SGK1: variants seen among roughly 807,000 people sequenced by gnomAD.
SGK1 encodes the protein serum/glucocorticoid regulated kinase 1, also known as serine/threonine-protein kinase Sgk1.
SGK1 carries 26 observed loss-of-function variants against 64.2 expected under a neutral mutation model. The ratio of observed to expected loss-of-function variants is 0.40; its 90% CI spans 0.30 to 0.56. The LOEUF is 0.56. SGK1 is among the 20% of genes least tolerant of loss of function. SGK1 has a pLI of 0.38. For synonymous variants in SGK1, 265 were observed against 239.7 expected (o/e 1.11, Z -0.98); for missense variants, 519 against 645.6 (o/e 0.80, Z 2.12).
At chr6:134,209,954 G>A (rs2114688830) in intron 2 of SGK1, among the ~76,000 whole-genome samples, 1 of 152,336 alleles carries the variant, frequency 6.6e-6, no homozygotes, top group South Asian at 2.1e-4. Flanking sequence ...TGGGATTACA[G>A]GCATGAGCCA....
At chr6:134,298,635 C>A in intron 1 of SGK1, 1 of 1,320,644 alleles carries the variant, frequency 7.6e-7, no homozygotes. Flanking sequence ...GGAGCGGCTG[C>A]TGAAGGCCCG....
chr6:134,284,097 A>C (rs1777142401), intron 1 of SGK1, among the ~76,000 whole-genome samples: 1 of 151,320 alleles, frequency 6.6e-6, no homozygotes, highest in Non-Finnish European at 1.5e-5. Flanking sequence ...CTTTTTGTTT[A>C]TTTGTTTGTT....
rs867697366 is a variant in SGK1, at chr6:134,211,822, C to A, written c.286-4391G>T. ...CCGGGAGACTGAGGTTGCAGTGAGC[C>A]GAGATGGCTCCACTGCACTCCAGCC... On this transcript the variant is annotated intron_variant, in intron 2 of 13. Transcript: ENST00000367858. Among the ~76,000 whole-genome samples the A allele has an allele frequency of 4.1e-5, 6 of 145,042 alleles. No individual in the cohort carries two copies. The Admixed American group carries it at 4.3e-4, about 10-fold the overall frequency.
intron 1 of SGK1, among the ~76,000 whole-genome samples, chr6:134,266,088 A>G (rs1449360040): frequency 6.6e-6 from 1 of 151,690 alleles, no homozygotes; most frequent in African/African-American, 2.4e-5. Context: ...GGTTCAAGTG[A>G]TTCTCCTCCC....
intron 1 of SGK1, among the ~76,000 whole-genome samples, chr6:134,292,622 T>C (rs2114781901): frequency 6.6e-6 from 1 of 151,932 alleles, no homozygotes; most frequent in East Asian, 1.9e-4. Flanking sequence ...CAGGAATAGG[T>C]TATATGTTCT....
intron 2 of SGK1, among the ~76,000 whole-genome samples, chr6:134,219,259 G>A (rs1223285655): frequency 6.6e-6 from 1 of 151,756 alleles, no homozygotes; most frequent in African/African-American, 2.4e-5. Flanking sequence ...TGATCCACCC[G>A]CCTTGGCCTC....
chr6:134,249,682 T>G (rs777227856), intron 2 of SGK1: 1 of 152,170 alleles, frequency 6.6e-6, no homozygotes, highest in Non-Finnish European at 1.5e-5. Context: ...TGATAGAAAC[T>G]CTCAATAAAC....
In SGK1 at chr6:134,252,263, G is replaced by A. The variant is rs79401392; in HGVS notation, c.285+9670C>T. Among the ~76,000 whole-genome samples, 305 of 152,244 alleles carry A rather than the reference G, an allele frequency of 2.0e-3. 2 individuals are homozygous for A. Among genetic ancestry groups the A allele is most frequent in the African/African-American group, 6.8e-3 (282 of 41,572 alleles). Reference sequence around the variant, plus strand: ...CAGGGGTGACCTCCTGGCTCTAGGAGCCCCAGGAAACAGGATTGGAAACAT... The same window carrying A: ...CAGGGGTGACCTCCTGGCTCTAGGAACCCCAGGAAACAGGATTGGAAACAT... On this transcript the variant is annotated intron_variant, in intron 2 of 13. Transcript: ENST00000367858.
chr6:134,198,698 A>AT (rs34050351), intron 3 of SGK1, among the ~76,000 whole-genome samples: 67,409 of 134,412 alleles, frequency 0.5, 18,124 homozygotes, highest in Non-Finnish European at 0.61. Flanking sequence ...CTTTATAGTG[A>AT]TTTTTTTTCT....
At chr6:134,305,084 G>A (rs1232334928) in intron 1 of SGK1, among the ~76,000 whole-genome samples, 1 of 152,124 alleles carries the variant, frequency 6.6e-6, no homozygotes, top group Non-Finnish European at 1.5e-5. Flanking sequence ...AACCAGGCAC[G>A]GTTGCTCACA....
intron 2 of SGK1, among the ~76,000 whole-genome samples, chr6:134,253,293 C>CT (rs71003685): frequency 0.11 from 16,535 of 144,372 alleles, 1,299 homozygotes; most frequent in East Asian, 0.43. Flanking sequence ...TTTTGTTTTT[C>CT]TTTTTTTTTT....
rs531392064 is a variant in SGK1, at chr6:134,212,345, G to A, written c.286-4914C>T. 2.6e-5 allele frequency among the ~76,000 whole-genome samples: 4 copies of A among 152,190 alleles called. No individual in the cohort carries two copies. In the South Asian group the frequency reaches 6.2e-4, roughly 24 times the overall value. The stretch of plus-strand genomic sequence containing the variant: ...TGCGATTACAGGCGTGAGCCACCGC[G>A]CCCGGTGATTCCTGTTTTTAACTCA... On this transcript the variant is annotated intron_variant, in intron 2 of 13. Transcript: ENST00000367858.
At chr6:134,194,520 C>CTTTT (rs71708614) in intron 3 of SGK1, among the ~76,000 whole-genome samples, 3 of 138,686 alleles carry the variant, frequency 2.2e-5, no homozygotes, top group East Asian at 2.1e-4. Context: ...AAAAGTTTTT[C>CTTTT]TTTTTTTTTT....
At chr6:134,208,428 T>C (rs923739548) in intron 2 of SGK1, among the ~76,000 whole-genome samples, 1 of 152,112 alleles carries the variant, frequency 6.6e-6, no homozygotes, top group Non-Finnish European at 1.5e-5. Flanking sequence ...GGTGTATGGT[T>C]ACATGGATAA....
intron 9 of SGK1, 22 bp downstream of exon 9, chr6:134,172,640 C>G (rs1359842563): frequency 1.4e-6 from 2 of 1,467,028 alleles, no homozygotes; most frequent in Admixed American, 1.7e-5. Context: ...AAACTGGTAG[C>G]CTGAAGAGCT....
intron 1 of SGK1, 96 bp downstream of exon 1, chr6:134,317,295 GT>G: frequency 1.2e-6 from 1 of 825,794 alleles, no homozygotes; most frequent in Non-Finnish European, 2.2e-6. Flanking sequence ...TACATTAAGG[GT>G]TTAGCAACAA....
chr6:134,219,298 C>T (rs1474725522), intron 2 of SGK1, among the ~76,000 whole-genome samples: 2 of 151,986 alleles, frequency 1.3e-5, no homozygotes, highest in African/African-American at 2.4e-5. Flanking sequence ...AGGCATGAGC[C>T]ACCGTGCCTG....
At chr6:134,201,234 G>T (rs1775676063) in intron 3 of SGK1, among the ~76,000 whole-genome samples, 1 of 150,326 alleles carries the variant, frequency 6.7e-6, no homozygotes, top group Non-Finnish European at 1.5e-5. Flanking sequence ...CTAATTTTTT[G>T]TATTTTTAGT....
intron 3 of SGK1, among the ~76,000 whole-genome samples, chr6:134,188,063 C>T (rs1775450943): frequency 6.6e-6 from 1 of 152,168 alleles, no homozygotes; most frequent in Non-Finnish European, 1.5e-5. Context: ...GCCACCATGG[C>T]TACTTTGTTT....
Sources: gnomAD v4.1 joint callset for allele counts (sites outside exome capture counted in the v4.1 genomes callset) on GRCh38, gnomAD v4.1.1 for gene constraint, MANE v1.5 for transcripts, NCBI Gene and HGNC (gene_info 2026-07-23, HGNC 2026-07-21) for gene names.